The following COL5A1 variants were observed in gnomAD, a reference collection of about 807,000 sequenced individuals.
COL5A1 encodes collagen alpha-1(V) chain.
A neutral mutation model predicts 263.7 loss-of-function variants in COL5A1; 16 were observed. The ratio of observed to expected loss-of-function variants is 0.06; its 90% confidence interval spans 0.04 to 0.09. The LOEUF (loss-of-function observed/expected upper bound fraction) is 0.09. Among genes scored for constraint, COL5A1 ranks in the 10% least tolerant of loss-of-function variants. COL5A1 has a pLI of 1.00. For synonymous variants in COL5A1, 1,012 were observed against 1,004.5 expected (o/e 1.01, Z -0.14); for missense variants, 2,036 against 2,540.5 (o/e 0.80, Z 4.27).
chr9:134,747,767 A>G (rs541436163), intron 11 of COL5A1, among the ~76,000 whole-genome samples: 2 of 152,148 alleles, frequency 1.3e-5, no homozygotes, highest in South Asian at 2.1e-4. Context: ...GCATTCATAC[A>G]TGCAGACACA....
chr9:134,825,643 T>A, intron 62 of COL5A1, 149 bp from the exon 63 acceptor site: 2 of 612,482 alleles, frequency 3.3e-6, no homozygotes, highest in East Asian at 3.4e-5. Context: ...CAAAATGCAA[T>A]AAAGTAAACC....
chr9:134,783,337 G>A (rs1218212115), intron 29 of COL5A1, among the ~76,000 whole-genome samples: 2 of 152,170 alleles, frequency 1.3e-5, no homozygotes, highest in African/African-American at 2.4e-5. Context: ...AAGCCGGTGG[G>A]TGCTGGGAGG....
chr9:134,730,922 C>T (rs1385069016), intron 7 of COL5A1, among the ~76,000 whole-genome samples: 4 of 152,198 alleles, frequency 2.6e-5, no homozygotes, highest in Non-Finnish European at 5.9e-5. Context: ...GGGACGGGGG[C>T]TGACTGTCAG....
intron 18 of COL5A1, among the ~76,000 whole-genome samples, chr9:134,759,241 A>C (rs1836116396): frequency 7.7e-6 from 1 of 130,658 alleles, no homozygotes; most frequent in African/African-American, 3.5e-5. Context: ...TACACCACAT[A>C]CACCACACAT....
At chr9:134,824,555 T>G in intron 61 of COL5A1, 45 bp from the exon 62 acceptor site, 1 of 1,611,050 alleles carries the variant, frequency 6.2e-7, no homozygotes, top group Non-Finnish European at 8.5e-7. Flanking sequence ...CCTGGGACCC[T>G]TCCCATCCTC....
At chr9:134,827,505 G>C (rs1215934964) in intron 63 of COL5A1, among the ~76,000 whole-genome samples, 1 of 152,260 alleles carries the variant, frequency 6.6e-6, no homozygotes, top group Non-Finnish European at 1.5e-5. Context: ...AATTCCCTTA[G>C]AAAAGAGGTT....
At chr9:134,816,114 G>A (rs553736976) in intron 52 of COL5A1, 126 bp downstream of exon 52, 21 of 863,762 alleles carry the variant, frequency 2.4e-5, no homozygotes, top group African/African-American at 1.7e-4. Context: ...TTATGATATC[G>A]ATTCCCTTAT....
intron 63 of COL5A1, among the ~76,000 whole-genome samples, chr9:134,828,738 T>TACGC (rs1485188209): frequency 1.9e-4 from 2 of 10,316 alleles, no homozygotes; most frequent in African/African-American, 8.1e-4. Flanking sequence ...GACACACAGA[T>TACGC]ACCACACACC....
chr9:134,789,047 CTG>C lies in COL5A1; in HGVS notation c.2647-107_2647-106del. On this transcript the variant is annotated intron_variant, in intron 31 of 65. Coordinates refer to ENST00000371817, the MANE Select transcript of COL5A1 (RefSeq NM_000093.5). The surrounding 1 kb of genome is among the most constrained non-coding windows in gnomAD (Gnocchi z 4.8). ...GGTTGGGTGGGTGGGCAGGTGGAGT[CTG>C]GGGCAGAGGCTGTGCACTGGCATGC... 1.0e-6 allele frequency: 1 copy of C among 968,674 alleles called. No homozygotes were observed. 60.0% of individuals were successfully genotyped at this position (968,674 alleles called of 1,614,324 possible). A position where few individuals can be genotyped will look rare whatever the true frequency, so the allele number is the denominator to read the frequency against.
At chr9:134,807,751 A>T (rs912500800) in intron 42 of COL5A1, among the ~76,000 whole-genome samples, 2 of 152,234 alleles carry the variant, frequency 1.3e-5, no homozygotes, top group South Asian at 4.1e-4. Context: ...GGTGTCTTCT[A>T]ATCATTTCCA....
intron 25 of COL5A1, 65 bp downstream of exon 25, chr9:134,768,528 C>T (rs1010855765): frequency 1.3e-6 from 2 of 1,516,094 alleles, no homozygotes; most frequent in South Asian, 1.1e-5. Context: ...GATAGGGCTG[C>T]AGGCCCAGGC....
chr9:134,779,776 A>G (rs56309633), intron 27 of COL5A1, among the ~76,000 whole-genome samples: 3,365 of 152,242 alleles, frequency 0.022, 34 homozygotes, highest in East Asian at 0.041. Flanking sequence ...CTAGAAGATG[A>G]TGCTATAATG....
At chr9:134,753,804 G>A (rs529647929) in intron 14 of COL5A1, 46 bp from the exon 15 acceptor site, 12 of 1,317,370 alleles carry the variant, frequency 9.1e-6, no homozygotes, top group African/African-American at 5.0e-5. Context: ...CTGTGTTCTC[G>A]AGTCCCCACC....
intron 1 of COL5A1, among the ~76,000 whole-genome samples, chr9:134,671,443 C>T (rs572967728): frequency 6.6e-6 from 1 of 152,298 alleles, no homozygotes; most frequent in South Asian, 2.1e-4. Context: ...TTGCAAAGCT[C>T]TCGTAATTGA....
At chr9:134,734,763 TG>T (rs942911042) in intron 9 of COL5A1, among the ~76,000 whole-genome samples, 8 of 152,244 alleles carry the variant, frequency 5.3e-5, no homozygotes, top group African/African-American at 1.4e-4. Context: ...TGATTTTACC[TG>T]GGCCACATCC....
At chr9:134,799,090 C>T (rs560938058) in intron 37 of COL5A1, among the ~76,000 whole-genome samples, 11 of 152,310 alleles carry the variant, frequency 7.2e-5, no homozygotes, top group African/African-American at 1.7e-4. Context: ...CTAGTCACTC[C>T]GCTGGGCACA....
At chr9:134,811,455 C>T (rs369519009) in intron 45 of COL5A1, 37 bp from the exon 46 acceptor site, 1 of 1,613,368 alleles carries the variant, frequency 6.2e-7, no homozygotes, top group Non-Finnish European at 8.5e-7. Flanking sequence ...GCTGGCATTG[C>T]CAGCATCCTC....
In COL5A1 at chr9:134,818,644, G is replaced by A. The variant is rs188473199; in HGVS notation, c.4231-12G>A. 4,271 of 1,600,364 alleles carry A rather than the reference G, an allele frequency of 2.7e-3. 16 individuals are homozygous for A. Among genetic ancestry groups the A allele is most frequent in the Middle Eastern group, 0.013 (64 of 5,066 alleles). On this transcript the variant is annotated splice_polypyrimidine_tract_variant and intron_variant, in intron 54 of 65. Coordinates refer to ENST00000371817, the MANE Select transcript of COL5A1 (RefSeq NM_000093.5). This position sits in a 1 kb window ranked among gnomAD's most constrained non-coding sequence, Gnocchi z 6.0. ...AGCTCCGGACCTCATTCTGCCCTCCGCCGTCCTGCAGGGAGAAGCCGGCTT... is the reference window on the plus strand; with the variant it reads ...AGCTCCGGACCTCATTCTGCCCTCCACCGTCCTGCAGGGAGAAGCCGGCTT...
At chr9:134,692,906 C>T (rs528029709) in intron 2 of COL5A1, among the ~76,000 whole-genome samples, 98 of 152,240 alleles carry the variant, frequency 6.4e-4, no homozygotes, top group Non-Finnish European at 1.3e-3. Flanking sequence ...AACTCCATCT[C>T]TACCAAAAAT....
Sources: allele counts gnomAD v4.1 joint callset (sites outside exome capture counted in the v4.1 genomes callset), GRCh38; gene constraint gnomAD v4.1.1; non-coding constraint Gnocchi (gnomAD v3.1); transcripts MANE v1.5; gene names NCBI Gene and HGNC (gene_info 2026-07-23, HGNC 2026-07-21).